Variants in IMMP2L observed in about 807,000 individuals in gnomAD.
The protein encoded by IMMP2L is mitochondrial inner membrane protease subunit 2.
A neutral mutation model predicts 19.3 loss-of-function variants in IMMP2L; 18 were observed. The observed-to-expected ratio is 0.93, with a 90% CI of 0.64 to 1.38. The LOEUF is 1.38. IMMP2L is among the 40% of genes most tolerant of loss of function. The probability of loss-of-function intolerance (pLI) is 0.00; values close to 1 mark genes in which losing one functional copy is unlikely to be tolerated. For missense variants in IMMP2L, 233 were observed against 218.2 expected (o/e 1.07, Z -0.43); for synonymous variants, 76 against 73.0 (o/e 1.04, Z -0.21).
intron 5 of IMMP2L, among the ~76,000 whole-genome samples, chr7:110,851,608 C>T (rs1302535269): frequency 6.6e-6 from 1 of 152,066 alleles, no homozygotes; most frequent in Non-Finnish European, 1.5e-5. Context: ...TTTCCTTTTC[C>T]TAAATGTGAG....
At position 111,242,376 on chromosome 7, in the gene IMMP2L, C is replaced by T. The variant is rs541365303; in HGVS notation, c.239+244862G>A. On this transcript the variant is annotated intron_variant, in intron 3 of 5. Coordinates refer to ENST00000405709, the MANE Select transcript of IMMP2L (RefSeq NM_032549.4). ...TCCAATTTGTTTGTGGAATTGCAGTCATTTTGATTCAACTAAACAATAAAT... is the reference window on the plus strand; with the variant it reads ...TCCAATTTGTTTGTGGAATTGCAGTTATTTTGATTCAACTAAACAATAAAT... Among the ~76,000 whole-genome samples the T allele has an allele frequency of 2.4e-4, 37 of 152,204 alleles. 1 individual carries two copies. The highest frequency in any genetic ancestry group is 3.4e-3 in the Middle Eastern group (1 of 294).
At chr7:111,034,654 C>T (rs886174163) in intron 3 of IMMP2L, among the ~76,000 whole-genome samples, 12 of 152,024 alleles carry the variant, frequency 7.9e-5, no homozygotes, top group Non-Finnish European at 1.8e-4. Context: ...TAAGTTTGTA[C>T]CATAAGAATT....
chr7:111,303,398 G>C (rs539092106), intron 3 of IMMP2L, among the ~76,000 whole-genome samples: 1 of 152,064 alleles, frequency 6.6e-6, no homozygotes, highest in Non-Finnish European at 1.5e-5. Flanking sequence ...GTCTCATAAA[G>C]CAAATTTTTT....
intron 5 of IMMP2L, among the ~76,000 whole-genome samples, chr7:110,873,892 T>G (rs1407918432): frequency 6.6e-6 from 1 of 151,412 alleles, no homozygotes; most frequent in African/African-American, 2.4e-5. Context: ...GTAGAAAAAA[T>G]AATTTTGAGA....
chr7:111,060,216 CTA>C (rs1387978986), intron 3 of IMMP2L, among the ~76,000 whole-genome samples: 1 of 152,192 alleles, frequency 6.6e-6, no homozygotes, highest in Non-Finnish European at 1.5e-5. Flanking sequence ...TTCAGAAAGA[CTA>C]TGTGAAATAG....
intron 5 of IMMP2L, among the ~76,000 whole-genome samples, chr7:110,774,821 C>T (rs971162892): frequency 6.6e-6 from 1 of 151,916 alleles, no homozygotes; most frequent in Non-Finnish European, 1.5e-5. Flanking sequence ...GACAAAAAGG[C>T]CTAAGGACTC....
chr7:110,779,645 C>T (rs1799609610), intron 5 of IMMP2L, among the ~76,000 whole-genome samples: 1 of 151,860 alleles, frequency 6.6e-6, no homozygotes, highest in South Asian at 2.1e-4. Context: ...TCTAGTACTT[C>T]CCAACTTTTA....
In IMMP2L at chr7:110,994,875, T is replaced by C. The variant is rs560511417; in HGVS notation, c.240-31310A>G. The stretch of plus-strand genomic sequence containing the variant: ...TTTAACACTTCTGAGCTTCTAATGA[T>C]AGAAGAAAGGTTCAATTGATATTAC... On this transcript the variant is annotated intron_variant, in intron 3 of 5. Coordinates refer to ENST00000405709, the MANE Select transcript of IMMP2L (RefSeq NM_032549.4). Among the ~76,000 whole-genome samples, 7 of 152,224 alleles carry C rather than the reference T, an allele frequency of 4.6e-5. No individual in the cohort carries two copies. In the South Asian group the frequency reaches 6.2e-4, roughly 14 times the overall value.
chr7:111,502,224 G>A (rs1382778123), intron 2 of IMMP2L, among the ~76,000 whole-genome samples: 1 of 151,858 alleles, frequency 6.6e-6, no homozygotes, highest in East Asian at 1.9e-4. Flanking sequence ...AGACAAAGAA[G>A]GCCATTACAT....
chr7:110,936,047 C>A (rs888929980), intron 4 of IMMP2L, among the ~76,000 whole-genome samples: 1 of 152,090 alleles, frequency 6.6e-6, no homozygotes. Flanking sequence ...CAAAAATTAA[C>A]TCAAGATGGA....
In IMMP2L at chr7:111,539,194, G is replaced by GGAAGGAAGGAA. The variant is rs1563330607; in HGVS notation, c.-2-17746_-2-17745insTTCCTTCCTTC. Among the ~76,000 whole-genome samples the GGAAGGAAGGAA allele has an allele frequency of 3.7e-3, 226 of 60,896 alleles. 28 individuals are homozygous for GGAAGGAAGGAA. Among genetic ancestry groups the GGAAGGAAGGAA allele is most frequent in the African/African-American group, 5.9e-3 (81 of 13,800 alleles). 40.0% of individuals were successfully genotyped at this position (60,896 alleles called of 152,430 possible). ...AAGGAAGGAAGGAAGGAAGGAAGGA[G>GGAAGGAAGGAA]GGAGAAAGAAAGAAAGAAAGAAAGA... On this transcript the variant is annotated intron_variant, in intron 1 of 5. Transcript: ENST00000405709.
chr7:111,510,709 C>T (rs1191099378), intron 2 of IMMP2L, among the ~76,000 whole-genome samples: 1 of 152,120 alleles, frequency 6.6e-6, no homozygotes, highest in Non-Finnish European at 1.5e-5. Flanking sequence ...TCAAACTAGC[C>T]AGTCCTAAAC....
chr7:111,504,411 G>A (rs1470551553), intron 2 of IMMP2L, among the ~76,000 whole-genome samples: 2 of 151,176 alleles, frequency 1.3e-5, no homozygotes, highest in Non-Finnish European at 3.0e-5. Flanking sequence ...GTAATTTATA[G>A]ATTCAATGCC....
chr7:110,974,667 T>C (rs917688967), intron 3 of IMMP2L, among the ~76,000 whole-genome samples: 1 of 152,104 alleles, frequency 6.6e-6, no homozygotes, highest in East Asian at 1.9e-4. Context: ...CCCTCCAGGC[T>C]GTTCACTGGC....
intron 4 of IMMP2L, among the ~76,000 whole-genome samples, chr7:110,959,782 G>C (rs1818741621): frequency 6.6e-6 from 1 of 151,866 alleles, no homozygotes; most frequent in Non-Finnish European, 1.5e-5. Flanking sequence ...TTTACACATG[G>C]GGTGCAGCAG....
At chr7:110,808,554 G>A (rs999308731) in intron 5 of IMMP2L, among the ~76,000 whole-genome samples, 1 of 152,064 alleles carries the variant, frequency 6.6e-6, no homozygotes, top group African/African-American at 2.4e-5. Flanking sequence ...GCTGTGCACA[G>A]GGGGCATTTG....
chr7:110,807,897 T>A (rs543084260), intron 5 of IMMP2L, among the ~76,000 whole-genome samples: 13 of 152,140 alleles, frequency 8.5e-5, no homozygotes, highest in African/African-American at 2.6e-4. Context: ...CTGCCCTAGT[T>A]GATGACAGAA....
chr7:110,918,452 C>CTTTT (rs1029668134), intron 4 of IMMP2L, among the ~76,000 whole-genome samples: 3 of 130,470 alleles, frequency 2.3e-5, no homozygotes, highest in Non-Finnish European at 3.3e-5. Flanking sequence ...TTCTTTTTTT[C>CTTTT]TTTTTTTTTT....
At chr7:111,209,292 G>A (rs891782575) in intron 3 of IMMP2L, among the ~76,000 whole-genome samples, 17 of 151,298 alleles carry the variant, frequency 1.1e-4, no homozygotes, top group East Asian at 2.0e-4. Context: ...AGCTACTTGC[G>A]AGGCTGAGGC....
Sources: gnomAD v4.1 joint callset for allele counts (sites outside exome capture counted in the v4.1 genomes callset) on GRCh38, gnomAD v4.1.1 for gene constraint, MANE v1.5 for transcripts, NCBI Gene and HGNC (gene_info 2026-07-23, HGNC 2026-07-21) for gene names.